TMEM163: variants seen among roughly 807,000 people sequenced by gnomAD.
TMEM163 encodes transmembrane protein 163.
A neutral mutation model predicts 29.3 loss-of-function variants in TMEM163; 17 were observed. That is an observed-to-expected ratio of 0.58 (90% confidence interval 0.40 to 0.87). The LOEUF (loss-of-function observed/expected upper bound fraction) is 0.87, where lower values mean the gene tolerates loss of function less well. TMEM163 is among the 40% of genes least tolerant of loss of function. TMEM163 has a pLI of 0.00. For synonymous variants in TMEM163, 157 were observed against 160.6 expected, an observed-to-expected ratio of 0.98 and a Z score of 0.17; for missense variants, 303 against 381.5, an observed-to-expected ratio of 0.79 and a Z score of 1.71.
At chr2:134,488,369 A>G (rs1679357078) in intron 5 of TMEM163, among the ~76,000 whole-genome samples, 1 of 152,222 alleles carries the variant, frequency 6.6e-6, no homozygotes, top group African/African-American at 2.4e-5. Context: ...AAGCAGGCAG[A>G]AGAATGTGGA....
chr2:134,635,920 T>C (rs923960124), intron 2 of TMEM163, among the ~76,000 whole-genome samples: 1 of 152,156 alleles, frequency 6.6e-6, no homozygotes, highest in Non-Finnish European at 1.5e-5. Context: ...TTGACACTCA[T>C]TGGGGAGACA....
At chr2:134,478,638 A>AAG (rs1239042472) in intron 5 of TMEM163, among the ~76,000 whole-genome samples, 3 of 152,188 alleles carry the variant, frequency 2.0e-5, no homozygotes, top group African/African-American at 7.2e-5. Flanking sequence ...CATCTAACTA[A>AAG]AGCTGAACTT....
At chr2:134,470,153 C>T (rs1345723476) in intron 5 of TMEM163, 2 of 151,656 alleles carry the variant, frequency 1.3e-5, no homozygotes, top group Admixed American at 1.3e-4. Context: ...GTCAGGAGAT[C>T]AAGACCATCC....
At chr2:134,611,203 A>G (rs1682498596) in intron 2 of TMEM163, among the ~76,000 whole-genome samples, 1 of 152,224 alleles carries the variant, frequency 6.6e-6, no homozygotes. Flanking sequence ...AGGCTGTCCC[A>G]AAATGGCAAA....
chr2:134,716,358 T>C (rs1299086705), intron 1 of TMEM163, among the ~76,000 whole-genome samples: 1 of 152,158 alleles, frequency 6.6e-6, no homozygotes, highest in African/African-American at 2.4e-5. Flanking sequence ...GCTAGCTAGG[T>C]TTCTGAGAAC....
intron 2 of TMEM163, among the ~76,000 whole-genome samples, chr2:134,632,213 G>A (rs1195127363): frequency 2.6e-5 from 4 of 152,176 alleles, no homozygotes; most frequent in African/African-American, 7.2e-5. Context: ...AATTGCCTGG[G>A]ACTCACGGAA....
chr2:134,661,687 G>C (rs1341494039), intron 2 of TMEM163, among the ~76,000 whole-genome samples: 4 of 152,114 alleles, frequency 2.6e-5, no homozygotes, highest in Admixed American at 2.0e-4. Context: ...GCAGAATAAA[G>C]ATCATTTTAA....
At chr2:134,682,814 C>A (rs530133301) in intron 2 of TMEM163, among the ~76,000 whole-genome samples, 42 of 152,290 alleles carry the variant, frequency 2.8e-4, no homozygotes, top group Non-Finnish European at 5.3e-4. Context: ...CAAAAACCTG[C>A]ACACAGATGT....
At chr2:134,700,946 A>ATAAATAAATAAT (rs1224932291) in intron 2 of TMEM163, among the ~76,000 whole-genome samples, 48 of 149,692 alleles carry the variant, frequency 3.2e-4, no homozygotes, top group African/African-American at 1.1e-3. Flanking sequence ...AAATAAATAA[A>ATAAATAAATAAT]TAAAGTAAAA....
At chr2:134,714,603 A>G (rs1684998899) in intron 1 of TMEM163, among the ~76,000 whole-genome samples, 1 of 152,320 alleles carries the variant, frequency 6.6e-6, no homozygotes, top group South Asian at 2.1e-4. Context: ...AACAAGCCAG[A>G]ATGTCAAGAA....
chr2:134,658,773 A>G (rs1574317465), intron 2 of TMEM163, among the ~76,000 whole-genome samples: 1 of 152,092 alleles, frequency 6.6e-6, no homozygotes, highest in East Asian at 1.9e-4. Flanking sequence ...AATTTTGTAT[A>G]TTTTTAGTAG....
intron 5 of TMEM163, among the ~76,000 whole-genome samples, chr2:134,474,137 A>G (rs1686865381): frequency 6.6e-6 from 1 of 152,234 alleles, no homozygotes; most frequent in South Asian, 2.1e-4. Context: ...AAATTCAGCA[A>G]TATATAAAAA....
Position 134,651,831 on chromosome 2 carries a change from G to A in TMEM163, c.322+61369C>T, listed in dbSNP as rs1306557749. 4.6e-4 allele frequency among the ~76,000 whole-genome samples: 57 copies of A among 123,630 alleles called. 5 individuals are homozygous for A. The highest frequency in any genetic ancestry group is 2.2e-3 in the African/African-American group (57 of 26,256). The allele number at this position is 123,630 out of a possible 152,430, so 81.1% of individuals were successfully genotyped here. On this transcript the variant is annotated intron_variant, in intron 2 of 7. Coordinates refer to ENST00000281924, the MANE Select transcript of TMEM163 (RefSeq NM_030923.5). ...TTTCCCCATTGCTTGTTTTCCTCAG[G>A]TTTGTCAAAGATCAGATAGTTGTAG...
At chr2:134,633,728 G>A (rs568874026) in intron 2 of TMEM163, among the ~76,000 whole-genome samples, 4 of 152,018 alleles carry the variant, frequency 2.6e-5, no homozygotes, top group East Asian at 2.0e-4. Context: ...TTGGGAGGCC[G>A]AGGCAGGTGG....
intron 2 of TMEM163, among the ~76,000 whole-genome samples, chr2:134,595,179 A>G (rs985990570): frequency 6.6e-6 from 1 of 151,958 alleles, no homozygotes; most frequent in Non-Finnish European, 1.5e-5. Context: ...TTTGTTACAT[A>G]TGTATACATG....
At chr2:134,553,215 C>T (rs1054859319) in intron 2 of TMEM163, among the ~76,000 whole-genome samples, 1 of 152,158 alleles carries the variant, frequency 6.6e-6, no homozygotes, top group South Asian at 2.1e-4. Flanking sequence ...GCAGTAGAAG[C>T]GTGGGTGGGA....
chr2:134,583,270 C>G (rs842361), intron 2 of TMEM163, among the ~76,000 whole-genome samples: 56,288 of 152,060 alleles, frequency 0.37, 11,146 homozygotes, highest in Middle Eastern at 0.69. Flanking sequence ...GGGAGTTCTA[C>G]CTAATGGAGT....
At chr2:134,574,747 T>G (rs1681509735) in intron 2 of TMEM163, among the ~76,000 whole-genome samples, 1 of 152,146 alleles carries the variant, frequency 6.6e-6, no homozygotes, top group African/African-American at 2.4e-5. Flanking sequence ...TCCAGCATGC[T>G]TTCATGTTTC....
chr2:134,610,241 G>T (rs1203617730), intron 2 of TMEM163, among the ~76,000 whole-genome samples: 1 of 152,190 alleles, frequency 6.6e-6, no homozygotes, highest in Non-Finnish European at 1.5e-5. Context: ...GGACAGAGGG[G>T]ACAGAACCTA....
Sources: allele counts gnomAD v4.1 joint callset (sites outside exome capture counted in the v4.1 genomes callset), GRCh38; gene constraint gnomAD v4.1.1; transcripts MANE v1.5; gene names NCBI Gene and HGNC (gene_info 2026-07-23, HGNC 2026-07-21).